CNTNAP2: variants seen among roughly 807,000 people sequenced by gnomAD.
CNTNAP2 encodes the protein contactin associated protein 2.
In CNTNAP2, 98 loss-of-function variants were observed where a neutral mutation model predicts 155.2. That is an observed-to-expected ratio of 0.63 (90% CI 0.54 to 0.75). The LOEUF (loss-of-function observed/expected upper bound fraction) is 0.75. CNTNAP2 is among the 30% of genes least tolerant of loss of function. The pLI, the probability that CNTNAP2 is intolerant of heterozygous loss-of-function variation, is 0.00. For missense variants in CNTNAP2, 1,727 were observed against 1,688.1 expected, an observed-to-expected ratio of 1.02 and a Z score of -0.40; for synonymous variants, 651 against 631.2, an observed-to-expected ratio of 1.03 and a Z score of -0.47.
chr7:147,480,227 A>G (rs1271261185), intron 10 of CNTNAP2, among the ~76,000 whole-genome samples: 1 of 152,224 alleles, frequency 6.6e-6, no homozygotes, highest in Non-Finnish European at 1.5e-5. Context: ...CTCATAAATT[A>G]AGGAGGCAAT....
intron 1 of CNTNAP2, among the ~76,000 whole-genome samples, chr7:146,355,259 GC>G (rs1398692588): frequency 5.3e-5 from 8 of 152,104 alleles, no homozygotes; most frequent in Admixed American, 2.6e-4. Context: ...TTAAGCCATA[GC>G]CAGTACATAA....
intron 19 of CNTNAP2, among the ~76,000 whole-genome samples, chr7:148,229,252 G>T (rs553748523): frequency 6.6e-6 from 1 of 152,304 alleles, no homozygotes; most frequent in Non-Finnish European, 1.5e-5. Flanking sequence ...GGATGGGCAT[G>T]GTGGCTCACG....
At chr7:148,116,053 C>T (rs1184839223) in intron 15 of CNTNAP2, among the ~76,000 whole-genome samples, 1 of 151,522 alleles carries the variant, frequency 6.6e-6, no homozygotes, top group South Asian at 2.1e-4. Flanking sequence ...ACAGGAGAAT[C>T]GCTTGCACCT....
chr7:147,804,182 G>T (rs1258523459), intron 13 of CNTNAP2, among the ~76,000 whole-genome samples: 1 of 152,146 alleles, frequency 6.6e-6, no homozygotes, highest in Admixed American at 6.5e-5. Context: ...ATCTATAAAG[G>T]GATCTACTAC....
At chr7:147,318,465 A>G (rs1179950069) in intron 9 of CNTNAP2, among the ~76,000 whole-genome samples, 1 of 152,106 alleles carries the variant, frequency 6.6e-6, no homozygotes, top group Non-Finnish European at 1.5e-5. Context: ...GACAAAAATT[A>G]TAAGACAAAA....
At position 146,841,566 on chromosome 7, in the gene CNTNAP2, T is replaced by G. The variant is rs141913316; in HGVS notation, c.402+1662T>G. ...GTAAAATTGCTTGAGGGGTTTACTT[T>G]CTGTGATTTCTAAACTAAGATCAAA... On this transcript the variant is annotated intron_variant, in intron 3 of 23. Transcript: ENST00000361727. Among the ~76,000 whole-genome samples, 477 of 152,114 alleles carry G rather than the reference T, an allele frequency of 3.1e-3. 3 individuals are homozygous for G. The highest frequency in any genetic ancestry group is 0.01 in the African/African-American group (428 of 41,556).
At chr7:147,111,579 T>G (rs1445711686) in intron 5 of CNTNAP2, among the ~76,000 whole-genome samples, 1 of 152,230 alleles carries the variant, frequency 6.6e-6, no homozygotes, top group Non-Finnish European at 1.5e-5. Context: ...TTCAATTTTC[T>G]GCATATGACT....
At chr7:147,977,151 A>G (rs1351674232) in intron 14 of CNTNAP2, among the ~76,000 whole-genome samples, 1 of 152,148 alleles carries the variant, frequency 6.6e-6, no homozygotes, top group Non-Finnish European at 1.5e-5. Context: ...TCCATTCTAG[A>G]GTCAGTACTT....
chr7:147,484,558 G>A (rs1798478817), intron 10 of CNTNAP2, among the ~76,000 whole-genome samples: 1 of 152,208 alleles, frequency 6.6e-6, no homozygotes. Flanking sequence ...TTTCCGTAGT[G>A]CTGTGCATAT....
chr7:147,658,206 G>A (rs547875566), intron 13 of CNTNAP2, among the ~76,000 whole-genome samples: 1 of 113,496 alleles, frequency 8.8e-6, no homozygotes, highest in East Asian at 2.2e-4. Context: ...GCAGTGAGCC[G>A]AGATCCCGCC....
intron 13 of CNTNAP2, among the ~76,000 whole-genome samples, chr7:147,771,403 C>T (rs1797466736): frequency 6.6e-6 from 1 of 152,180 alleles, no homozygotes; most frequent in African/African-American, 2.4e-5. Flanking sequence ...AAGATATTAG[C>T]AACATATAAC....
At chr7:146,574,121 T>C (rs1396291930) in intron 1 of CNTNAP2, among the ~76,000 whole-genome samples, 1 of 152,138 alleles carries the variant, frequency 6.6e-6, no homozygotes, top group Non-Finnish European at 1.5e-5. Context: ...ATAAAGACCA[T>C]GTCTAAATGT....
At chr7:147,723,241 T>A (rs1218112899) in intron 13 of CNTNAP2, among the ~76,000 whole-genome samples, 1 of 152,030 alleles carries the variant, frequency 6.6e-6, no homozygotes. Flanking sequence ...GAAATTCAAC[T>A]GTGAACACGT....
chr7:146,450,760 C>T (rs1461959680), intron 1 of CNTNAP2, among the ~76,000 whole-genome samples: 3 of 152,082 alleles, frequency 2.0e-5, no homozygotes, highest in African/African-American at 7.2e-5. Context: ...ATGATCTTAT[C>T]TTCAATTTTT....
At chr7:148,323,638 A>C (rs1797838880) in intron 21 of CNTNAP2, among the ~76,000 whole-genome samples, 1 of 152,020 alleles carries the variant, frequency 6.6e-6, no homozygotes, top group South Asian at 2.1e-4. Flanking sequence ...CCTCAATTGT[A>C]TGTGAATAGT....
intron 1 of CNTNAP2, among the ~76,000 whole-genome samples, chr7:146,381,512 A>C (rs533851198): frequency 6.6e-6 from 1 of 152,270 alleles, no homozygotes; most frequent in South Asian, 2.1e-4. Flanking sequence ...GGTGATAATA[A>C]CAGTACCTAC....
intron 1 of CNTNAP2, among the ~76,000 whole-genome samples, chr7:146,429,268 G>T (rs1487995994): frequency 1.3e-5 from 2 of 151,970 alleles, no homozygotes; most frequent in Non-Finnish European, 2.9e-5. Context: ...ATTCTGTGAA[G>T]AATTTCCAAT....
chr7:146,901,758 TA>T (rs1169061081), intron 3 of CNTNAP2, among the ~76,000 whole-genome samples: 3 of 152,154 alleles, frequency 2.0e-5, no homozygotes, highest in Non-Finnish European at 4.4e-5. Flanking sequence ...TGAAAAAAAT[TA>T]TTTTTGCTAA....
intron 3 of CNTNAP2, among the ~76,000 whole-genome samples, chr7:146,955,405 A>G (rs548897820): frequency 6.6e-6 from 1 of 152,088 alleles, no homozygotes; most frequent in South Asian, 2.1e-4. Context: ...TGTCTCTTAA[A>G]AAGTTAGTCA....
Sources: allele counts gnomAD v4.1 joint callset (sites outside exome capture counted in the v4.1 genomes callset), GRCh38; gene constraint gnomAD v4.1.1; transcripts MANE v1.5; gene names NCBI Gene and HGNC (gene_info 2026-07-23, HGNC 2026-07-21).